Variants in RBPJ observed in about 807,000 individuals in gnomAD.
RBPJ encodes the protein recombination signal binding protein for immunoglobulin kappa J region, also known as recombining binding protein suppressor of hairless.
A neutral mutation model predicts 67.8 loss-of-function variants in RBPJ; 9 were observed. That is an observed-to-expected ratio of 0.13 (90% CI 0.08 to 0.23). RBPJ has a LOEUF of 0.23. Ranked by LOEUF, RBPJ falls within the 10% of genes least tolerant of loss-of-function variation. The probability of loss-of-function intolerance (pLI) is 1.00; values close to 1 mark genes in which losing one functional copy is unlikely to be tolerated. For synonymous variants in RBPJ, 198 were observed against 203.3 expected (o/e 0.97, Z 0.22); for missense variants, 305 against 595.6 (o/e 0.51, Z 5.08).
At chr4:26,397,203 C>T (rs573288317) in intron 2 of RBPJ, among the ~76,000 whole-genome samples, 1 of 152,064 alleles carries the variant, frequency 6.6e-6, no homozygotes, top group Non-Finnish European at 1.5e-5. Context: ...CTTTGTAAAC[C>T]GTAAGTATTG....
intron 1 of RBPJ, among the ~76,000 whole-genome samples, chr4:26,250,722 A>T (rs1404988223): frequency 1.3e-5 from 2 of 152,112 alleles, no homozygotes; most frequent in Admixed American, 1.3e-4. Flanking sequence ...GGTTGTTTCT[A>T]CCTTTGGGTT....
At chr4:26,410,188 G>T in intron 3 of RBPJ, 1 of 315,716 alleles carries the variant, frequency 3.2e-6, no homozygotes, top group Non-Finnish European at 6.2e-6. Context: ...GCCGATCCTG[G>T]TTCAGGCCTT....
chr4:26,233,797 G>A (rs753946356), intron 1 of RBPJ, among the ~76,000 whole-genome samples: 6 of 152,174 alleles, frequency 3.9e-5, no homozygotes, highest in Non-Finnish European at 8.8e-5. Context: ...TCTGTGAAGT[G>A]TCTCTTTTTG....
At chr4:26,214,164 AAG>A (rs755357185) in intron 1 of RBPJ, among the ~76,000 whole-genome samples, 3 of 149,312 alleles carry the variant, frequency 2.0e-5, no homozygotes, top group African/African-American at 2.5e-5. Flanking sequence ...AAAGAGAGAA[AAG>A]AGAGAGAGAG....
intron 1 of RBPJ, among the ~76,000 whole-genome samples, chr4:26,210,735 A>ACTTCTTTACTTCTTTC (rs1560212134): frequency 8.4e-4 from 41 of 48,994 alleles, no homozygotes; most frequent in African/African-American, 2.9e-3. Context: ...TTCCTTCTTT[A>ACTTCTTTACTTCTTTC]CTTCTTTCCT....
chr4:26,339,019 C>G (rs1286387876), intron 1 of RBPJ, among the ~76,000 whole-genome samples: 1 of 151,876 alleles, frequency 6.6e-6, no homozygotes, highest in Non-Finnish European at 1.5e-5. Context: ...CGGGGTTTTG[C>G]CATGTTGCCC....
chr4:26,370,049 G>C (rs1022057887), intron 1 of RBPJ, among the ~76,000 whole-genome samples: 15 of 152,118 alleles, frequency 9.9e-5, no homozygotes, highest in African/African-American at 3.6e-4. Context: ...GAGGATGCTG[G>C]GAATAGCATA....
the RBPJ span, among the ~76,000 whole-genome samples, chr4:26,114,316 G>A: frequency 1.3e-5 from 2 of 151,774 alleles, no homozygotes; most frequent in African/African-American, 2.4e-5. Flanking sequence ...AAAATTAGTC[G>A]GGCATGGTGG....
intron 1 of RBPJ, among the ~76,000 whole-genome samples, chr4:26,286,472 C>CAA (rs57556548): frequency 0.01 from 1,031 of 98,734 alleles, 24 homozygotes; most frequent in African/African-American, 0.04. Context: ...GACCCTGCCT[C>CAA]AAAAAAAAAA....
intron 1 of RBPJ, among the ~76,000 whole-genome samples, chr4:26,202,116 G>T (rs1222788328): frequency 6.6e-6 from 1 of 152,006 alleles, no homozygotes; most frequent in African/African-American, 2.4e-5. Context: ...TTTAAAGTTG[G>T]CATATCCCAG....
chr4:26,294,817 A>T (rs533282711), intron 1 of RBPJ, among the ~76,000 whole-genome samples: 1 of 152,012 alleles, frequency 6.6e-6, no homozygotes, highest in East Asian at 1.9e-4. Flanking sequence ...TGAAGGTTGC[A>T]GTGAGCTGAG....
intron 1 of RBPJ, among the ~76,000 whole-genome samples, chr4:26,203,302 T>C (rs1281878729): frequency 6.6e-6 from 1 of 152,218 alleles, no homozygotes; most frequent in East Asian, 1.9e-4. Flanking sequence ...CATGGCTCTC[T>C]CTTTCCGGAA....
In RBPJ at chr4:26,254,599, T is replaced by C. The variant is rs553078369; in HGVS notation, c.-167+90985T>C. Among the ~76,000 whole-genome samples, 41 of 148,824 alleles carry C rather than the reference T, an allele frequency of 2.8e-4. 1 individual carries two copies. The highest frequency in any genetic ancestry group is 5.4e-4 in the Non-Finnish European group (37 of 68,012). ...TTTGCCACATAACTAGTTTTTTTAA[T>C]GCTATGTAAATGCTATACATGCTAC... On this transcript the variant is annotated intron_variant, in intron 1 of 4. Coordinates refer to the RBPJ transcript ENST00000512351.
At chr4:26,381,765 C>T (rs1326050370) in intron 1 of RBPJ, among the ~76,000 whole-genome samples, 1 of 152,080 alleles carries the variant, frequency 6.6e-6, no homozygotes, top group Non-Finnish European at 1.5e-5. Context: ...TCAACTATAT[C>T]CTGGTTCATT....
In RBPJ at chr4:26,431,272, G is replaced by C; in HGVS notation, c.*265G>C. ...AAGTTTTTCAGCTGTTTTGTTGGTTGGTTGGTTGGTTTTTGTTTGGTTTTG... is the reference window on the plus strand; with the variant it reads ...AAGTTTTTCAGCTGTTTTGTTGGTTCGTTGGTTGGTTTTTGTTTGGTTTTG... On this transcript the variant is annotated 3_prime_UTR_variant, in exon 11 of 11. Coordinates refer to ENST00000355476, the MANE Select transcript of RBPJ (RefSeq NM_015874.6). 8.9e-6 allele frequency: 3 copies of C among 338,336 alleles called. No homozygotes were observed. Among genetic ancestry groups the C allele is most frequent in the South Asian group, 1.2e-4 (2 of 17,182 alleles). The allele number at this position is 338,336 out of a possible 1,614,324, so 21.0% of individuals were successfully genotyped here. A position where few individuals can be genotyped will look rare whatever the true frequency, so the allele number is the denominator to read the frequency against.
chr4:26,398,937 A>G (rs1422629390), intron 2 of RBPJ, among the ~76,000 whole-genome samples: 1 of 152,164 alleles, frequency 6.6e-6, no homozygotes, highest in African/African-American at 2.4e-5. Flanking sequence ...TGTGTGTTAT[A>G]TACTTCAGCT....
chr4:26,319,901 G>A (rs1331588372), upstream of RBPJ: 21 of 1,578,274 alleles, frequency 1.3e-5, no homozygotes, highest in Non-Finnish European at 1.7e-5. Context: ...AGGAGGAGGG[G>A]GCGGGATTCG....
At chr4:26,354,459 T>G (rs943355183) in intron 1 of RBPJ, among the ~76,000 whole-genome samples, 1 of 150,344 alleles carries the variant, frequency 6.7e-6, no homozygotes, top group African/African-American at 2.4e-5. Context: ...CTGTTTTTTT[T>G]TTTTTTTTTT....
At chr4:26,191,858 T>C (rs554699855) in intron 1 of RBPJ, among the ~76,000 whole-genome samples, 3 of 152,282 alleles carry the variant, frequency 2.0e-5, no homozygotes, top group East Asian at 3.9e-4. Flanking sequence ...TAAATATTTA[T>C]GGAGAATACT....
Sources: gnomAD v4.1 joint callset for allele counts (sites outside exome capture counted in the v4.1 genomes callset) on GRCh38, gnomAD v4.1.1 for gene constraint, MANE v1.5 for transcripts, NCBI Gene and HGNC (gene_info 2026-07-23, HGNC 2026-07-21) for gene names.